The following SESTD1 variants were observed in gnomAD, a reference collection of about 807,000 sequenced individuals.
SESTD1 encodes SEC14 and spectrin domain containing 1.
SESTD1 carries 43 observed loss-of-function variants against 101.7 expected under a neutral mutation model. That is an observed-to-expected ratio of 0.42 (90% CI 0.33 to 0.55). SESTD1 has a LOEUF of 0.55. Ranked by LOEUF, SESTD1 falls within the 20% of genes least tolerant of loss-of-function variation. The pLI is 0.07. For synonymous variants in SESTD1, 283 were observed against 286.8 expected (o/e 0.99, Z 0.13); for missense variants, 647 against 815.1 (o/e 0.79, Z 2.51).
chr2:179,230,265 A>G (rs1205131988), intron 1 of SESTD1, among the ~76,000 whole-genome samples: 2 of 151,218 alleles, frequency 1.3e-5, no homozygotes, highest in African/African-American at 4.9e-5. Flanking sequence ...CCTCCTCAGT[A>G]GCTGGGGCTA....
At chr2:179,112,703 T>C (rs760952616) in intron 17 of SESTD1, 21 bp downstream of exon 17, 1 of 1,571,076 alleles carries the variant, frequency 6.4e-7, no homozygotes, top group Non-Finnish European at 8.6e-7. Context: ...AAAAATAAAA[T>C]TATAAGAACA....
At chr2:179,143,296 T>C (rs986787382) in intron 9 of SESTD1, among the ~76,000 whole-genome samples, 7 of 152,170 alleles carry the variant, frequency 4.6e-5, no homozygotes, top group African/African-American at 1.7e-4. Context: ...GTATCAATAA[T>C]GAAATGTTAT....
chr2:179,116,619 G>T (rs1463985689), intron 15 of SESTD1, 49 bp downstream of exon 15: 3 of 1,613,296 alleles, frequency 1.9e-6, no homozygotes, highest in Admixed American at 1.7e-5. Context: ...CATGCAGAAA[G>T]CTATTCAAAC....
intron 1 of SESTD1, among the ~76,000 whole-genome samples, chr2:179,237,844 C>T (rs1422370523): frequency 6.6e-6 from 1 of 152,046 alleles, no homozygotes; most frequent in Admixed American, 6.6e-5. Context: ...TAACAGAGAT[C>T]CAGTCATGGC....
chr2:179,234,533 T>C (rs1220929152), intron 1 of SESTD1, among the ~76,000 whole-genome samples: 1 of 152,156 alleles, frequency 6.6e-6, no homozygotes. Flanking sequence ...ATCCCAGCAC[T>C]TTGTGGGGCT....
chr2:179,255,011 T>A (rs1325712663), intron 1 of SESTD1, among the ~76,000 whole-genome samples: 1 of 152,188 alleles, frequency 6.6e-6, no homozygotes, highest in Non-Finnish European at 1.5e-5. Context: ...CTACTGTAAT[T>A]GTTTGGGGGC....
At chr2:179,128,669 C>CA (rs1255133991) in intron 10 of SESTD1, among the ~76,000 whole-genome samples, 1 of 146,868 alleles carries the variant, frequency 6.8e-6, no homozygotes, top group Non-Finnish European at 1.5e-5. Flanking sequence ...GCAGAGGTTG[C>CA]AGTGAGCTGA....
intron 1 of SESTD1, among the ~76,000 whole-genome samples, chr2:179,193,220 G>C (rs2046343597): frequency 6.6e-6 from 1 of 152,142 alleles, no homozygotes; most frequent in South Asian, 2.1e-4. Flanking sequence ...AATTAAACCA[G>C]TATATAATTT....
At chr2:179,212,735 T>G (rs1201979349) in intron 1 of SESTD1, among the ~76,000 whole-genome samples, 1 of 134,742 alleles carries the variant, frequency 7.4e-6, no homozygotes, top group Admixed American at 7.2e-5. Flanking sequence ...CACCTCCCAG[T>G]AGCAGCCCAA....
chr2:179,170,453 A>G (rs2045912642), intron 5 of SESTD1, among the ~76,000 whole-genome samples: 1 of 152,198 alleles, frequency 6.6e-6, no homozygotes, highest in Admixed American at 6.5e-5. Flanking sequence ...ACTGTGATAT[A>G]AGAAATATGC....
intron 13 of SESTD1, 59 bp from the exon 14 acceptor site, chr2:179,117,672 ACAT>A: frequency 1.5e-6 from 2 of 1,335,368 alleles, no homozygotes; most frequent in Non-Finnish European, 2.0e-6. Context: ...TACTATTGTA[ACAT>A]CATCATTTGG....
intron 1 of SESTD1, among the ~76,000 whole-genome samples, chr2:179,248,310 A>C (rs2047263654): frequency 6.6e-6 from 1 of 152,178 alleles, no homozygotes; most frequent in South Asian, 2.1e-4. Context: ...AGAAAAAAAG[A>C]AATCTCCAAG....
At chr2:179,233,166 AAC>A (rs751461264) in intron 1 of SESTD1, among the ~76,000 whole-genome samples, 2 of 152,238 alleles carry the variant, frequency 1.3e-5, no homozygotes, top group Non-Finnish European at 2.9e-5. Context: ...GTAACTTTTG[AAC>A]ACAGTATTTT....
chr2:179,170,134 A>G (rs549090029), intron 5 of SESTD1, among the ~76,000 whole-genome samples: 72 of 152,150 alleles, frequency 4.7e-4, no homozygotes, highest in Non-Finnish European at 8.1e-4. Flanking sequence ...TGAGTAAGGC[A>G]AAGATTTCTC....
intron 1 of SESTD1, among the ~76,000 whole-genome samples, chr2:179,256,801 G>C (rs1245552307): frequency 4.0e-5 from 5 of 123,544 alleles, no homozygotes; most frequent in Non-Finnish European, 6.4e-5. Flanking sequence ...GACAGAGCGA[G>C]ACTCCACCTC....
chr2:179,256,071 A>C (rs1196343598), intron 1 of SESTD1, among the ~76,000 whole-genome samples: 1 of 152,210 alleles, frequency 6.6e-6, no homozygotes. Flanking sequence ...TTGGCAATGC[A>C]CCTGGTCATC....
intron 13 of SESTD1, 34 bp from the exon 14 acceptor site, chr2:179,117,647 TTC>T (rs749859584): frequency 1.3e-5 from 19 of 1,504,532 alleles, no homozygotes; most frequent in Non-Finnish European, 1.6e-5. Context: ...AACTCATCAT[TTC>T]TGTTTTATTG....
intron 5 of SESTD1, among the ~76,000 whole-genome samples, chr2:179,166,402 G>C (rs1575456226): frequency 1.3e-5 from 2 of 152,166 alleles, no homozygotes; most frequent in African/African-American, 4.8e-5. Flanking sequence ...GGAAAGGACT[G>C]AAAATCCTGC....
intron 10 of SESTD1, among the ~76,000 whole-genome samples, chr2:179,125,518 T>G (rs2044853180): frequency 6.6e-6 from 1 of 152,202 alleles, no homozygotes; most frequent in South Asian, 2.1e-4. Context: ...TGGATAGCGC[T>G]CTCTCTCTTT....
Sources: gnomAD v4.1 joint callset for allele counts (sites outside exome capture counted in the v4.1 genomes callset) on GRCh38, gnomAD v4.1.1 for gene constraint, MANE v1.5 for transcripts, NCBI Gene and HGNC (gene_info 2026-07-23, HGNC 2026-07-21) for gene names.